The following CLYBL variants were observed in gnomAD, a reference collection of about 807,000 sequenced individuals.
CLYBL encodes the protein citramalyl-CoA lyase.
A neutral mutation model predicts 38.9 loss-of-function variants in CLYBL; 31 were observed. The observed-to-expected ratio is 0.80, with a 90% CI of 0.60 to 1.08. CLYBL has a LOEUF of 1.08. Ranked by LOEUF, CLYBL falls within the 50% of genes least tolerant of loss-of-function variation. The pLI, the probability that CLYBL is intolerant of heterozygous loss-of-function variation, is 0.00. For synonymous variants in CLYBL, 171 were observed against 158.6 expected (o/e 1.08, Z -0.59); for missense variants, 434 against 411.6 (o/e 1.05, Z -0.47).
At chr13:99,793,132 C>A (rs1206860155) in intron 2 of CLYBL, among the ~76,000 whole-genome samples, 2 of 151,916 alleles carry the variant, frequency 1.3e-5, no homozygotes. Context: ...TACACGAATC[C>A]ATTTGGCTAA....
intron 1 of CLYBL, among the ~76,000 whole-genome samples, chr13:99,763,978 G>C (rs2049217893): frequency 6.6e-6 from 1 of 151,922 alleles, no homozygotes. Flanking sequence ...TCTGGTTTTG[G>C]TATCAGGGTA....
intron 1 of CLYBL, among the ~76,000 whole-genome samples, chr13:99,608,078 TTTTTTTTTC>T (rs1259622128): frequency 1.3e-3 from 168 of 129,082 alleles, no homozygotes; most frequent in African/African-American, 5.6e-3. Flanking sequence ...TTTTTTTTTT[TTTTTTTTTC>T]CGAGATGGAG....
At chr13:99,703,822 C>T (rs1054749345) in intron 1 of CLYBL, among the ~76,000 whole-genome samples, 2 of 152,146 alleles carry the variant, frequency 1.3e-5, no homozygotes, top group Non-Finnish European at 2.9e-5. Flanking sequence ...TGACCTTAAT[C>T]TTCTCTTATC....
chr13:99,771,240 A>G (rs908779054), intron 1 of CLYBL, among the ~76,000 whole-genome samples: 2 of 151,822 alleles, frequency 1.3e-5, no homozygotes, highest in African/African-American at 2.4e-5. Context: ...TAGAGCCGAG[A>G]TTTTGCTATG....
chr13:99,761,925 G>A (rs905266738), intron 1 of CLYBL, among the ~76,000 whole-genome samples: 2 of 152,114 alleles, frequency 1.3e-5, no homozygotes, highest in African/African-American at 2.4e-5. Context: ...GACTAGTGAT[G>A]TTACCATTTT....
chr13:99,868,454 G>T (rs540424198), intron 6 of CLYBL, among the ~76,000 whole-genome samples: 1 of 152,096 alleles, frequency 6.6e-6, no homozygotes, highest in Non-Finnish European at 1.5e-5. Flanking sequence ...AGGGAGGGAT[G>T]GAGGAAGGAA....
chr13:99,626,026 T>A (rs907747181), intron 1 of CLYBL, among the ~76,000 whole-genome samples: 2 of 152,166 alleles, frequency 1.3e-5, no homozygotes, highest in Non-Finnish European at 2.9e-5. Flanking sequence ...CAGTATTGTG[T>A]CTTAGTCTTC....
intron 1 of CLYBL, among the ~76,000 whole-genome samples, chr13:99,683,341 A>G (rs1469070092): frequency 6.6e-6 from 1 of 152,018 alleles, no homozygotes; most frequent in Non-Finnish European, 1.5e-5. Flanking sequence ...CAGCCTCCCA[A>G]AGTGCTAGGA....
At chr13:99,880,068 A>ATAGATATAT (rs34063235) in intron 7 of CLYBL, among the ~76,000 whole-genome samples, 2 of 101,210 alleles carry the variant, frequency 2.0e-5, no homozygotes, top group Admixed American at 2.4e-4. Context: ...ATATATATAT[A>ATAGATATAT]TTTTTTTTTT....
rs764714516 is a variant in CLYBL at position 99,864,847 on chromosome 13, G to A, written c.570G>A (p.Gly190=). The part of the protein sequence containing the change: ...KAVCEETLKV[G]PQVGLFLDAV... ...TGTGTGAAGAAACCCTGAAGGTCGG[G>A]CCTCAAGTAGGTCTCTTTCTAGATG... The change falls in exon 5 of 9, where the codon GGG becomes GGA. Residue 190 remains glycine (G), a synonymous_variant. Transcript: ENST00000339105. 2 of 1,613,974 alleles carry A rather than the reference G, an allele frequency of 1.2e-6. No homozygotes were observed. The highest frequency in any genetic ancestry group is 1.3e-5 in the African/African-American group (1 of 75,012).
At chr13:99,826,238 A>T (rs1046596270) in intron 2 of CLYBL, among the ~76,000 whole-genome samples, 3 of 152,290 alleles carry the variant, frequency 2.0e-5, no homozygotes, top group Middle Eastern at 3.4e-3. Context: ...GTTGCCCTCC[A>T]TAAGGTGAGT....
intron 2 of CLYBL, among the ~76,000 whole-genome samples, chr13:99,842,545 G>A (rs886728750): frequency 6.6e-6 from 1 of 152,058 alleles, no homozygotes; most frequent in Non-Finnish European, 1.5e-5. Flanking sequence ...AGGCACTAGG[G>A]ACACAAGAGC....
At chr13:99,827,359 G>A (rs1405938224) in intron 2 of CLYBL, among the ~76,000 whole-genome samples, 3 of 152,132 alleles carry the variant, frequency 2.0e-5, no homozygotes, top group Admixed American at 6.5e-5. Context: ...CTGAGCAGAC[G>A]TCCCTTAATG....
At chr13:99,887,035 C>T (rs2052367401) in intron 7 of CLYBL, among the ~76,000 whole-genome samples, 3 of 152,186 alleles carry the variant, frequency 2.0e-5, no homozygotes, top group African/African-American at 7.2e-5. Flanking sequence ...AGAAAGGCAT[C>T]ATTTACAGAA....
At chr13:99,800,897 A>C (rs111935067) in intron 2 of CLYBL, among the ~76,000 whole-genome samples, 4,439 of 138,574 alleles carry the variant, frequency 0.032, 76 homozygotes, top group Middle Eastern at 0.056. Context: ...ACAACAACAA[A>C]AAAAAAAAAC....
rs566656380 is a variant in CLYBL at position 99,738,338 on chromosome 13, C to T, written c.63-34486C>T. ...TTCATTTTATGTTTAGCTGTCATCT[C>T]GAGTAAGCTGTATTTCAGCCTGTAG... is the stretch of plus-strand genomic sequence containing the variant. On this transcript the variant is annotated intron_variant, in intron 1 of 8. Coordinates refer to ENST00000339105, the MANE Select transcript of CLYBL (RefSeq NM_206808.5). Among the ~76,000 whole-genome samples, 12 of 152,234 alleles carry T rather than the reference C, an allele frequency of 7.9e-5. No individual in the cohort carries two copies. The East Asian group carries it at 1.7e-3, about 22-fold the overall frequency.
chr13:99,865,374 G>T lies in CLYBL; in HGVS notation c.634+463G>T, dbSNP rs773457530. ...GCGGTAGGTAAATATTATTTTAAAT[G>T]GATCTTAAATTTCTCTTACAATATG... On this transcript the variant is annotated intron_variant, in intron 5 of 8. Coordinates refer to ENST00000339105, the MANE Select transcript of CLYBL (RefSeq NM_206808.5). The surrounding 1 kb of genome is among the most constrained non-coding windows in gnomAD (Gnocchi z 4.7). 4.4e-6 allele frequency: 1 copy of T among 228,948 alleles called. No individual in the cohort carries two copies. The allele number at this position is 228,948 out of a possible 1,614,324, so 14.2% of individuals were successfully genotyped here.
intron 1 of CLYBL, among the ~76,000 whole-genome samples, chr13:99,616,202 G>A (rs2046707980): frequency 7.1e-6 from 1 of 139,992 alleles, no homozygotes; most frequent in Non-Finnish European, 1.5e-5. Context: ...AGACTGGACT[G>A]CAGTGGCTAT....
intron 1 of CLYBL, among the ~76,000 whole-genome samples, chr13:99,663,171 G>T (rs531690364): frequency 9.9e-5 from 15 of 152,164 alleles, no homozygotes; most frequent in African/African-American, 3.6e-4. Context: ...GGTAAACCCC[G>T]AGGGGAATAC....
Sources: gnomAD v4.1 joint callset for allele counts (sites outside exome capture counted in the v4.1 genomes callset) on GRCh38, gnomAD v4.1.1 for gene constraint, Gnocchi (gnomAD v3.1) non-coding constraint, MANE v1.5 for transcripts, NCBI Gene and HGNC (gene_info 2026-07-23, HGNC 2026-07-21) for gene names.